CLIP2: variants seen among roughly 807,000 people sequenced by gnomAD.
CLIP2 encodes CAP-Gly domain containing linker protein 2.
In CLIP2, 41 loss-of-function variants were observed where a neutral mutation model predicts 111.7. That is an observed-to-expected ratio of 0.37 (90% CI 0.29 to 0.48). The LOEUF is 0.48. Among genes scored for constraint, CLIP2 ranks in the 20% least tolerant of loss-of-function variants. The pLI is 0.99. For synonymous variants in CLIP2, 660 were observed against 644.2 expected (o/e 1.02, Z -0.37); for missense variants, 1,160 against 1,422.1 (o/e 0.82, Z 2.96).
chr7:74,389,381 G>A (rs1164187319), intron 13 of CLIP2, 122 bp downstream of exon 13: 5 of 914,904 alleles, frequency 5.5e-6, no homozygotes, highest in East Asian at 5.5e-5. Flanking sequence ...CCAGGTGGCC[G>A]ATCTCGAGCG....
At chr7:74,297,762 C>CT (rs1788214586) in intron 1 of CLIP2, among the ~76,000 whole-genome samples, 1 of 151,934 alleles carries the variant, frequency 6.6e-6, no homozygotes, top group South Asian at 2.1e-4. Context: ...GAACAAGGCA[C>CT]TGTAAGAATC....
At chr7:74,321,359 C>T (rs781276964) in intron 2 of CLIP2, among the ~76,000 whole-genome samples, 62 of 152,306 alleles carry the variant, frequency 4.1e-4, no homozygotes, top group African/African-American at 8.4e-4. Context: ...CCATGTTTAT[C>T]GTGGTCCCAC....
At chr7:74,390,222 AAAGG>A (rs200271550) in intron 13 of CLIP2, among the ~76,000 whole-genome samples, 1,963 of 56,024 alleles carry the variant, frequency 0.035, 44 homozygotes, top group South Asian at 0.073. Flanking sequence ...AGAAAGAAAG[AAAGG>A]ATTAATGCCT....
At chr7:74,306,167 G>C (rs1302414629) in intron 1 of CLIP2, among the ~76,000 whole-genome samples, 1 of 152,146 alleles carries the variant, frequency 6.6e-6, no homozygotes, top group Admixed American at 6.5e-5. Flanking sequence ...TCCCGGTTAC[G>C]GGTCCCTTGC....
chr7:74,389,985 A>C (rs1791227947), intron 13 of CLIP2, among the ~76,000 whole-genome samples: 1 of 150,338 alleles, frequency 6.7e-6, no homozygotes, highest in Non-Finnish European at 1.5e-5. Flanking sequence ...GCTACTTGGG[A>C]GGCTGAGGCA....
chr7:74,310,036 CAAAAAA>C (rs71094774), intron 1 of CLIP2, among the ~76,000 whole-genome samples: 3 of 92,484 alleles, frequency 3.2e-5, no homozygotes, highest in South Asian at 3.4e-4. Flanking sequence ...CCTGTCTCTA[CAAAAAA>C]AAAAAAAAAA....
chr7:74,387,718 G>T (rs1791154972), intron 12 of CLIP2, among the ~76,000 whole-genome samples: 1 of 152,182 alleles, frequency 6.6e-6, no homozygotes, highest in African/African-American at 2.4e-5. Flanking sequence ...CAAGGTGAAG[G>T]TGAAGCTTTT....
chr7:74,354,550 G>A (rs897091691), intron 4 of CLIP2, among the ~76,000 whole-genome samples: 2 of 152,090 alleles, frequency 1.3e-5, no homozygotes, highest in Admixed American at 6.6e-5. Flanking sequence ...GGGAGGCGTC[G>A]GTTGCAGTGA....
intron 3 of CLIP2, among the ~76,000 whole-genome samples, chr7:74,348,040 C>T (rs1240638921): frequency 2.0e-5 from 3 of 151,764 alleles, no homozygotes; most frequent in African/African-American, 4.8e-5. Context: ...ACTAGCTGGG[C>T]GTGGTGGCAG....
At chr7:74,381,244 A>G (rs1972523) in intron 11 of CLIP2, among the ~76,000 whole-genome samples, 91,291 of 151,850 alleles carry the variant, frequency 0.6, 28,917 homozygotes, top group East Asian at 0.75. Flanking sequence ...GCTGGAGTAC[A>G]GTGGTGTGAT....
At chr7:74,319,874 G>C (rs1222586202) in intron 2 of CLIP2, among the ~76,000 whole-genome samples, 3 of 151,576 alleles carry the variant, frequency 2.0e-5, no homozygotes, top group East Asian at 3.9e-4. Context: ...GTGAAAAGAG[G>C]TTAGGGAGGG....
chr7:74,395,712 C>T (rs1791426443), intron 13 of CLIP2, among the ~76,000 whole-genome samples: 1 of 152,202 alleles, frequency 6.6e-6, no homozygotes, highest in Non-Finnish European at 1.5e-5. Flanking sequence ...CTCCTCCACA[C>T]TCCTGCAGTG....
intron 13 of CLIP2, 74 bp downstream of exon 13, chr7:74,389,333 T>C (rs1309114397): frequency 1.3e-5 from 19 of 1,421,022 alleles, no homozygotes; most frequent in African/African-American, 2.9e-5. Context: ...CATTAGCTCA[T>C]GTTATCTTGG....
intron 3 of CLIP2, among the ~76,000 whole-genome samples, chr7:74,341,822 G>T (rs1171566974): frequency 1.3e-5 from 2 of 151,980 alleles, no homozygotes; most frequent in African/African-American, 4.8e-5. Context: ...GGTGAGCGTG[G>T]CCAGATGTAG....
At position 74,313,625 on chromosome 7, in the gene CLIP2, C is replaced by T. The variant is rs229875; in HGVS notation, c.-67-3855C>T. ...GGCTCAGCTGGATCTAGGCCCTCCT[C>T]GGGACTCAGCTGTGCTGTCTCTGTG... On this transcript the variant is annotated intron_variant, in intron 1 of 16. Transcript: ENST00000223398. 5.3e-5 allele frequency among the ~76,000 whole-genome samples: 8 copies of T among 151,792 alleles called. No homozygotes were observed. In the East Asian group the frequency reaches 1.2e-3, roughly 22 times the overall value.
rs180950399 is a variant in CLIP2, at chr7:74,309,689, C to T, written c.-67-7791C>T. Among the ~76,000 whole-genome samples, 376 of 150,704 alleles carry T rather than the reference C, an allele frequency of 2.5e-3. 2 individuals carry two copies. In the East Asian group the frequency reaches 0.039, roughly 16 times the overall value. ...CCTGGTCAACATAGTGAAACCCTGT[C>T]TCTACTAAAAATACAAAAATTAGCC... On this transcript the variant is annotated intron_variant, in intron 1 of 16. Transcript: ENST00000223398.
chr7:74,312,928 C>A (rs1362275926), intron 1 of CLIP2, among the ~76,000 whole-genome samples: 3 of 152,088 alleles, frequency 2.0e-5, no homozygotes, highest in Non-Finnish European at 4.4e-5. Context: ...GATGCCCTCA[C>A]GCACATTCCT....
At chr7:74,402,502 C>T (rs1310278789) in intron 16 of CLIP2, among the ~76,000 whole-genome samples, 1 of 151,926 alleles carries the variant, frequency 6.6e-6, no homozygotes, top group Non-Finnish European at 1.5e-5. Context: ...GGGCAACAAG[C>T]ACAAAACTGT....
At chr7:74,373,453 G>A (rs1347550213) in intron 9 of CLIP2, among the ~76,000 whole-genome samples, 10 of 152,134 alleles carry the variant, frequency 6.6e-5, no homozygotes, top group South Asian at 2.1e-4. Flanking sequence ...AGCTGAGATC[G>A]TGCCACTGCA....
Sources: allele counts gnomAD v4.1 joint callset (sites outside exome capture counted in the v4.1 genomes callset), GRCh38; gene constraint gnomAD v4.1.1; transcripts MANE v1.5; gene names NCBI Gene and HGNC (gene_info 2026-07-23, HGNC 2026-07-21).